URB1: variants seen among roughly 807,000 people sequenced by gnomAD.
URB1 encodes URB1 ribosome biogenesis factor.
In URB1, 197 loss-of-function variants were observed where a neutral mutation model predicts 242.3. The ratio of observed to expected loss-of-function variants is 0.81; its 90% CI spans 0.72 to 0.91. URB1 has a LOEUF of 0.91. URB1 is among the 40% of genes least tolerant of loss of function. URB1 has a pLI of 0.00. For synonymous variants in URB1, 1,153 were observed against 1,201.8 expected, an observed-to-expected ratio of 0.96 and a Z score of 0.84; for missense variants, 2,721 against 2,860.5, an observed-to-expected ratio of 0.95 and a Z score of 1.11.
rs1369959235 is a variant in URB1, at chr21:32,392,801, G to A, written c.110C>T (p.Ala37Val). Reference sequence around the variant, plus strand: ...GGGGCCCTGCGGGTCCTTCAGCTGAGCCTTGAACCGCACGCCCGTGAGCTC... The same window carrying A: ...GGGGCCCTGCGGGTCCTTCAGCTGAACCTTGAACCGCACGCCCGTGAGCTC... ...KEELTGVRFKAQLKDPQGPGP... is the reference protein window; with the variant it reads ...KEELTGVRFKVQLKDPQGPGP... The change falls in exon 1 of 39, where the codon GCT becomes GTT. Residue 37 changes from alanine to valine, a missense_variant. Transcript: ENST00000382751. 1 of 1,527,024 alleles carries A rather than the reference G, an allele frequency of 6.5e-7. No homozygotes were observed. The allele number at this position is 1,527,024 out of a possible 1,614,324, so 94.6% of individuals were successfully genotyped here.
intron 8 of URB1, among the ~76,000 whole-genome samples, chr21:32,370,718 C>A (rs2033397100): frequency 6.6e-6 from 1 of 152,188 alleles, no homozygotes; most frequent in Non-Finnish European, 1.5e-5. Flanking sequence ...GGGCCCAGCA[C>A]CTATCATTGT....
chr21:32,383,593 C>G (rs1420968230), intron 3 of URB1, 39 bp from the exon 4 acceptor site: 1 of 1,532,514 alleles, frequency 6.5e-7, no homozygotes, highest in East Asian at 2.5e-5. Flanking sequence ...ACGTCAACAA[C>G]AGCAGAAGCA....
chr21:32,312,153 G>A lies in URB1; in HGVS notation c.*2765C>T, dbSNP rs2032597378. ...AGGAGCATCCTATGCCTTTGACAAA[G>A]ATTGCAGTGGCCCCTCGAGTGCAGA... On this transcript the variant is annotated 3_prime_UTR_variant, in exon 39 of 39. Coordinates refer to ENST00000382751, the MANE Select transcript of URB1 (RefSeq NM_014825.3). The A allele has an allele frequency of 6.5e-7, 1 of 1,528,498 alleles. No homozygotes were observed. Among genetic ancestry groups the A allele is most frequent in the African/African-American group, 1.4e-5 (1 of 73,096 alleles). 94.7% of individuals were successfully genotyped at this position (1,528,498 alleles called of 1,614,324 possible).
intron 4 of URB1, 35 bp from the exon 5 acceptor site, chr21:32,378,576 T>C: frequency 1.3e-6 from 2 of 1,510,228 alleles, no homozygotes; most frequent in Non-Finnish European, 1.8e-6. Context: ...GTCACATGCA[T>C]ATTCCACATA....
intron 30 of URB1, among the ~76,000 whole-genome samples, chr21:32,325,789 C>T (rs1354148824): frequency 6.6e-6 from 1 of 152,134 alleles, no homozygotes; most frequent in Non-Finnish European, 1.5e-5. Flanking sequence ...AGCCCTCCAC[C>T]GCGGGCGCCT....
At chr21:32,388,680 G>A (rs1309643677) in intron 1 of URB1, among the ~76,000 whole-genome samples, 1 of 152,226 alleles carries the variant, frequency 6.6e-6, no homozygotes, top group African/African-American at 2.4e-5. Flanking sequence ...TACCTACTCT[G>A]TCCCTCAAGA....
chr21:32,377,463 C>A (rs1418503718), intron 5 of URB1: 12 of 341,484 alleles, frequency 3.5e-5, no homozygotes, highest in Non-Finnish European at 5.6e-6. Context: ...AAATGGCCCA[C>A]GGGAATTTGA....
intron 17 of URB1, 65 bp from the exon 18 acceptor site, chr21:32,354,168 C>T (rs2033192201): frequency 1.3e-6 from 2 of 1,519,984 alleles, no homozygotes; most frequent in Non-Finnish European, 1.8e-6. Flanking sequence ...TGCAAATACC[C>T]ACAGGGAGGC....
chr21:32,369,673 A>G (rs571382740), intron 8 of URB1, among the ~76,000 whole-genome samples: 55 of 152,238 alleles, frequency 3.6e-4, no homozygotes, highest in Non-Finnish European at 1.0e-4. Context: ...CATGGTCCAG[A>G]GCGCCATTAA....
chr21:32,371,448 G>A lies in URB1; in HGVS notation c.1001+1059C>T, dbSNP rs74906090. On this transcript the variant is annotated intron_variant, in intron 8 of 38. Coordinates refer to ENST00000382751, the MANE Select transcript of URB1 (RefSeq NM_014825.3). ...TTAAGCATGGTGTAATATTCTATTC[G>A]ACTATAAAAGTCTGCTGTTATGTTT... is the stretch of plus-strand genomic sequence containing the variant. Among the ~76,000 whole-genome samples, 419 of 152,218 alleles carry A rather than the reference G, an allele frequency of 2.8e-3. 1 individual carries two copies. Among genetic ancestry groups the A allele is most frequent in the African/African-American group, 8.5e-3 (355 of 41,530 alleles).
intron 1 of URB1, 92 bp from the exon 2 acceptor site, chr21:32,385,776 A>C (rs1355723535): frequency 2.7e-6 from 4 of 1,471,234 alleles, no homozygotes; most frequent in Non-Finnish European, 3.6e-6. Flanking sequence ...CTATTCTGTG[A>C]CCTTCCCCGA....
In URB1 at chr21:32,337,400, T is replaced by A; in HGVS notation, c.4621+4A>T. ...CTCACACTACCCAGCCCTCACACCC[T>A]CACCTAGGACGCTGAGAGTGGCGCC... On this transcript the variant is annotated splice_donor_region_variant and intron_variant, in intron 27 of 38. Transcript: ENST00000382751. 1 of 1,546,604 alleles carries A rather than the reference T, an allele frequency of 6.5e-7. No individual in the cohort carries two copies. Among genetic ancestry groups the A allele is most frequent in the Non-Finnish European group, 8.7e-7 (1 of 1,143,698 alleles).
chr21:32,376,632 G>A (rs2033462015), intron 5 of URB1, among the ~76,000 whole-genome samples: 1 of 151,932 alleles, frequency 6.6e-6, no homozygotes. Flanking sequence ...AAATCATTAA[G>A]TGCAGCATGT....
Position 32,333,304 on chromosome 21 carries a change from A to T in URB1, c.4960+13T>A. ...GCATAGCAAGCCCTGACCCAAGAGA[A>T]GACTGCAGTTACCTGGCCTGGTCAG... is the stretch of plus-strand genomic sequence containing the variant. On this transcript the variant is annotated intron_variant, in intron 30 of 38. Transcript: ENST00000382751. 6.4e-7 allele frequency: 1 copy of T among 1,551,222 alleles called. No individual in the cohort carries two copies.
Position 32,384,553 on chromosome 21 carries a change from T to C in URB1, c.283-89A>G, listed in dbSNP as rs775027914. On this transcript the variant is annotated intron_variant, in intron 2 of 38. Coordinates refer to ENST00000382751, the MANE Select transcript of URB1 (RefSeq NM_014825.3). The stretch of plus-strand genomic sequence containing the variant: ...CTCCTTTTGTCTTAGCCATAGTTAC[T>C]TGTAGGCTTAAAGCCTTCAACATGC... The C allele has an allele frequency of 2.2e-5, 33 of 1,468,576 alleles. No homozygotes were observed. In the African/African-American group the frequency reaches 3.7e-4, roughly 16 times the overall value. The allele number at this position is 1,468,576 out of a possible 1,614,324, so 91.0% of individuals were successfully genotyped here. A position where few individuals can be genotyped will look rare whatever the true frequency, so the allele number is the denominator to read the frequency against.
intron 19 of URB1, among the ~76,000 whole-genome samples, chr21:32,351,575 G>A (rs1290854671): frequency 6.6e-6 from 1 of 152,178 alleles, no homozygotes; most frequent in Non-Finnish European, 1.5e-5. Context: ...GCAGCAGCAT[G>A]TGTGAAATGC....
Position 32,316,738 on chromosome 21 carries a change from A to G in URB1, c.6362T>C (p.Leu2121Pro). ...AATATGGCTCTTAAGCCAGCCAATG[A>G]GTCCTGCAGCCTCTGCCCTGCTGAG... is the stretch of plus-strand genomic sequence containing the variant. ...HPLSRAEAAGLIGWLKSHILP... is the reference protein window; with the variant it reads ...HPLSRAEAAGPIGWLKSHILP... Residue 2121 changes from leucine to proline, a missense_variant, in exon 38 of 39, where the codon CTC becomes CCC. Coordinates refer to ENST00000382751, the MANE Select transcript of URB1 (RefSeq NM_014825.3). 6.4e-7 allele frequency: 1 copy of G among 1,551,300 alleles called. No homozygotes were observed. Among genetic ancestry groups the G allele is most frequent in the Non-Finnish European group, 8.7e-7 (1 of 1,146,878 alleles).
intron 19 of URB1, among the ~76,000 whole-genome samples, chr21:32,351,907 G>A (rs1408655284): frequency 6.6e-6 from 1 of 152,180 alleles, no homozygotes; most frequent in African/African-American, 2.4e-5. Context: ...TGTTGGAACC[G>A]CTCTGGGCCT....
At position 32,352,860 on chromosome 21, in the gene URB1, G is replaced by A. The variant is rs1241063582; in HGVS notation, c.2463C>T (p.Leu821=). The change falls in exon 19 of 39, where the codon CTC becomes CTT. Residue 821 remains leucine (L), a synonymous_variant. Coordinates refer to ENST00000382751, the MANE Select transcript of URB1 (RefSeq NM_014825.3). ...TYLTAVLTDL[L]HTQRDPLALC... is the part of the protein sequence containing the mutation. ...GAGCCAGGGGGTCCCTCTGGGTGTGGAGGAGGTCAGTCAGCACTGCCGTCA... is the reference window on the plus strand; with the variant it reads ...GAGCCAGGGGGTCCCTCTGGGTGTGAAGGAGGTCAGTCAGCACTGCCGTCA... 5.8e-6 allele frequency: 9 copies of A among 1,551,586 alleles called. No individual in the cohort carries two copies. Among genetic ancestry groups the A allele is most frequent in the Middle Eastern group, 1.7e-4 (1 of 5,992 alleles).
Sources: gnomAD v4.1 joint callset for allele counts (sites outside exome capture counted in the v4.1 genomes callset) on GRCh38, gnomAD v4.1.1 for gene constraint, MANE v1.5 for transcripts, NCBI Gene and HGNC (gene_info 2026-07-23, HGNC 2026-07-21) for gene names.